The following RHCG variants were observed in gnomAD, a reference collection of about 807,000 sequenced individuals.
RHCG encodes the protein ammonium transporter Rh type C.
A neutral mutation model predicts 55.3 loss-of-function variants in RHCG; 39 were observed. That is an observed-to-expected ratio of 0.70 (90% CI 0.55 to 0.92). The LOEUF (loss-of-function observed/expected upper bound fraction) is 0.92. Ranked by LOEUF, RHCG falls within the 40% of genes least tolerant of loss-of-function variation. The pLI is 0.00. For synonymous variants in RHCG, 250 were observed against 246.8 expected (o/e 1.01, Z -0.12); for missense variants, 635 against 627.9 (o/e 1.01, Z -0.12).
rs981310614 is a variant in RHCG at position 89,477,294 on chromosome 15, C to T, written c.1113-88G>A. On this transcript the variant is annotated intron_variant, in intron 7 of 10. Transcript: ENST00000268122. The surrounding 1 kb of genome is among the most constrained non-coding windows in gnomAD (Gnocchi z 4.5). ...ACCCCAAAAATGTGACCGGGTACCA[C>T]GGGCCTCAGCCTTCCCACCCACAAC... The T allele has an allele frequency of 5.8e-5, 90 of 1,552,660 alleles. No individual in the cohort carries two copies. The highest frequency in any genetic ancestry group is 2.3e-4 in the East Asian group (10 of 44,348).
In RHCG at chr15:89,483,481, C is replaced by T. The variant is rs1177865756; in HGVS notation, c.372-264G>A. 2.0e-5 allele frequency among the ~76,000 whole-genome samples: 3 copies of T among 152,150 alleles called. 1 individual carries two copies. Among genetic ancestry groups the T allele is most frequent in the Admixed American group, 2.0e-4 (3 of 15,284 alleles). On this transcript the variant is annotated intron_variant, in intron 2 of 10. Coordinates refer to ENST00000268122, the MANE Select transcript of RHCG (RefSeq NM_016321.3). ...TCAGGCCCCCGCTGCTTGCAGACAG[C>T]TTGGGCTCAGGGCACCATGTGGTCT...
At chr15:89,485,447 G>A (rs1961342420) in intron 2 of RHCG, among the ~76,000 whole-genome samples, 2 of 152,198 alleles carry the variant, frequency 1.3e-5, no homozygotes, top group Admixed American at 6.5e-5. Context: ...TGGTTTGGAT[G>A]AAGTAACTTT....
chr15:89,490,762 G>A (rs903750005), intron 1 of RHCG, among the ~76,000 whole-genome samples: 3 of 151,492 alleles, frequency 2.0e-5, no homozygotes, highest in South Asian at 4.2e-4. Flanking sequence ...TGGCCTGGCC[G>A]TGGTGAATTT....
At chr15:89,482,498 G>A (rs1378273186) in intron 3 of RHCG, among the ~76,000 whole-genome samples, 2 of 152,128 alleles carry the variant, frequency 1.3e-5, no homozygotes, top group African/African-American at 2.4e-5. Flanking sequence ...CAGTTTCTAC[G>A]TGAGATCCCC....
At chr15:89,489,131 G>A (rs1961427834) in intron 1 of RHCG, among the ~76,000 whole-genome samples, 1 of 152,068 alleles carries the variant, frequency 6.6e-6, no homozygotes, top group Non-Finnish European at 1.5e-5. Context: ...TGTTGTTGTT[G>A]TTGAGACATA....
intron 5 of RHCG, 145 bp downstream of exon 5, chr15:89,479,177 A>G (rs1273303810): frequency 8.0e-6 from 6 of 751,270 alleles, no homozygotes; most frequent in South Asian, 4.1e-5. Flanking sequence ...AAAACTGGCC[A>G]TGTGCTCAAA....
intron 5 of RHCG, 34 bp from the exon 6 acceptor site, chr15:89,478,008 G>A (rs1189325918): frequency 5.1e-6 from 8 of 1,576,474 alleles, no homozygotes; most frequent in Non-Finnish European, 6.9e-6. Context: ...CAGGAACTCA[G>A]TCCTCTCCCT....
At chr15:89,480,179 C>T in intron 4 of RHCG, 82 bp downstream of exon 4, 1 of 1,571,018 alleles carries the variant, frequency 6.4e-7, no homozygotes, top group Non-Finnish European at 8.7e-7. Context: ...TCATGGTGGC[C>T]TTCACCCATC....
intron 9 of RHCG, among the ~76,000 whole-genome samples, chr15:89,475,047 CGCCT>C (rs1961117117): frequency 3.1e-5 from 1 of 31,856 alleles, no homozygotes; most frequent in Admixed American, 3.8e-4. Flanking sequence ...CCTTCCTGCC[CGCCT>C]TCCTTCCTTC....
rs1596402766 is a variant in RHCG at position 89,477,590 on chromosome 15, G to T, written c.1039C>A (p.Pro347Thr). ...TCGINNLHGI[P>T]GIIGGIVGAV... The stretch of plus-strand genomic sequence containing the variant: ...CCCACGATGCCGCCTATGATGCCAG[G>T]AATGCCATGCAGATTGTTAATGCCA... The change falls in exon 7 of 11, where the codon CCT becomes ACT. Residue 347 changes from proline to threonine, a missense_variant. Transcript: ENST00000268122. This position sits in a 1 kb window ranked among gnomAD's most constrained non-coding sequence, Gnocchi z 4.5. The T allele has an allele frequency of 6.2e-7, 1 of 1,614,168 alleles. No individual in the cohort carries two copies. Among genetic ancestry groups the T allele is most frequent in the African/African-American group, 1.3e-5 (1 of 75,032 alleles).
intron 9 of RHCG, among the ~76,000 whole-genome samples, chr15:89,474,065 C>G (rs1961088173): frequency 6.6e-6 from 1 of 152,036 alleles, no homozygotes; most frequent in Admixed American, 6.6e-5. Flanking sequence ...TGTAATAACA[C>G]AGAACAATTC....
intron 2 of RHCG, 110 bp from the exon 3 acceptor site, chr15:89,483,327 G>C: frequency 9.6e-7 from 1 of 1,042,600 alleles, no homozygotes; most frequent in Non-Finnish European, 1.3e-6. Flanking sequence ...ACCTTTCTGA[G>C]CTTCAGTTTC....
At chr15:89,472,527 TTGTC>T (rs1313785752) in intron 10 of RHCG, among the ~76,000 whole-genome samples, 180 bp downstream of exon 10, 2 of 152,300 alleles carry the variant, frequency 1.3e-5, no homozygotes, top group Non-Finnish European at 2.9e-5. Context: ...TGGATGCACG[TTGTC>T]TGACTCTAAG....
In RHCG at chr15:89,477,054, C is replaced by T. The variant is rs187583292; in HGVS notation, c.1237+28G>A. 4,890 of 1,613,782 alleles carry T rather than the reference C, an allele frequency of 3.0e-3. 16 individuals carry two copies. The highest frequency in any genetic ancestry group is 3.7e-3 in the Non-Finnish European group (4,322 of 1,179,766). Reference sequence around the variant, plus strand: ...CAGGGAGCCCCACAGCAGCACCCCCCTTCTCTGGCTCAGCCATTCCTGCTC... The same window carrying T: ...CAGGGAGCCCCACAGCAGCACCCCCTTTCTCTGGCTCAGCCATTCCTGCTC... On this transcript the variant is annotated intron_variant, in intron 8 of 10. Transcript: ENST00000268122. This position sits in a 1 kb window ranked among gnomAD's most constrained non-coding sequence, Gnocchi z 4.5.
At chr15:89,486,599 AGTGT>A (rs778060424) in intron 2 of RHCG, 196 bp downstream of exon 2, 145 of 264,236 alleles carry the variant, frequency 5.5e-4, no homozygotes, top group East Asian at 4.5e-3. Context: ...AGAGAGAGAG[AGTGT>A]GTGTGTGTGT....
At chr15:89,476,901 TG>T in intron 8 of RHCG, 73 bp from the exon 9 acceptor site, 1 of 1,548,758 alleles carries the variant, frequency 6.5e-7, no homozygotes, top group Non-Finnish European at 8.9e-7. Flanking sequence ...TTCCCTCAGC[TG>T]GGAAAATCCT....
chr15:89,476,913 C>T, intron 8 of RHCG, 85 bp from the exon 9 acceptor site: 1 of 1,540,724 alleles, frequency 6.5e-7, no homozygotes, highest in South Asian at 1.1e-5. Flanking sequence ...GGAAAATCCT[C>T]CTGGGGCCCT....
rs200646258 is a variant in RHCG at position 89,477,974 on chromosome 15, C to T, written c.838G>A (p.Val280Met). The change falls in exon 6 of 11, where the codon GTG (valine) becomes ATG (methionine). Residue 280 changes from valine (V) to methionine (M), a missense_variant and splice_region_variant. Transcript: ENST00000268122. This position sits in a 1 kb window ranked among gnomAD's most constrained non-coding sequence, Gnocchi z 4.5. The part of the protein sequence containing the change: ...ALHKKGKLDM[V>M]HIQNATLAGG... The stretch of plus-strand genomic sequence containing the variant: ...GCGAGCGTGGCATTCTGGATGTGCA[C>T]CTGGGCAGGGCAGGCAGAGCAGGCA... 9.2e-5 allele frequency: 147 copies of T among 1,605,076 alleles called. No homozygotes were observed. The highest frequency in any genetic ancestry group is 2.3e-4 in the Admixed American group (14 of 59,656).
intron 5 of RHCG, among the ~76,000 whole-genome samples, chr15:89,478,220 A>G (rs1961193819): frequency 6.6e-6 from 1 of 152,182 alleles, no homozygotes; most frequent in Non-Finnish European, 1.5e-5. Context: ...GGCATTTTCC[A>G]TGTGCTGGTG....
Sources: allele counts gnomAD v4.1 joint callset (sites outside exome capture counted in the v4.1 genomes callset), GRCh38; gene constraint gnomAD v4.1.1; non-coding constraint Gnocchi (gnomAD v3.1); transcripts MANE v1.5; gene names NCBI Gene and HGNC (gene_info 2026-07-23, HGNC 2026-07-21).